The following ZNF25 variants were observed in gnomAD, a reference collection of about 807,000 sequenced individuals.
ZNF25 encodes the protein zinc finger protein 25 (KOX 19).
In ZNF25, 21 loss-of-function variants were observed where a neutral mutation model predicts 30.9. The observed-to-expected ratio is 0.68, with a 90% CI of 0.48 to 0.98. ZNF25 has a LOEUF of 0.98. ZNF25 is among the 50% of genes least tolerant of loss of function. The pLI is 0.00. For synonymous variants in ZNF25, 169 were observed against 181.3 expected, an observed-to-expected ratio of 0.93 and a Z score of 0.55; for missense variants, 501 against 529.9, an observed-to-expected ratio of 0.95 and a Z score of 0.54.
intron 4 of ZNF25, among the ~76,000 whole-genome samples, chr10:37,954,722 C>T (rs568225854): frequency 6.6e-6 from 1 of 152,148 alleles, no homozygotes. Context: ...ATTTATGCAT[C>T]TTTAAATGCA....
At position 37,951,279 on chromosome 10, in the gene ZNF25, G is replaced by A. The variant is rs41306330; in HGVS notation, c.*848C>T. The A allele has an allele frequency of 0.044, 6,751 of 152,416 alleles. 249 individuals are homozygous for A. The highest frequency in any genetic ancestry group is 0.06 in the Non-Finnish European group (4,090 of 67,998). 9.4% of individuals were successfully genotyped at this position (152,416 alleles called of 1,614,324 possible). ...ATACACATAATAGTTACTGAACTAAGATTATATTATTTCGCTATGTACCAT... is the reference window on the plus strand; with the variant it reads ...ATACACATAATAGTTACTGAACTAAAATTATATTATTTCGCTATGTACCAT... On this transcript the variant is annotated 3_prime_UTR_variant, in exon 6 of 6. Transcript: ENST00000302609.
At chr10:37,963,635 GATA>G (rs774442782) in intron 2 of ZNF25, among the ~76,000 whole-genome samples, 48 of 152,238 alleles carry the variant, frequency 3.2e-4, no homozygotes, top group Non-Finnish European at 6.2e-4. Flanking sequence ...CCATTCCCTT[GATA>G]ATGAGTGAGT....
chr10:37,953,581 T>G (rs1026876197), intron 5 of ZNF25, 114 bp downstream of exon 5: 1 of 937,736 alleles, frequency 1.1e-6, no homozygotes, highest in Non-Finnish European at 1.7e-6. Context: ...GGATTTGCTC[T>G]GCAGTGTTAG....
chr10:37,957,406 G>A lies in ZNF25; in HGVS notation c.142+14C>T, dbSNP rs1311142851. ...CAAACTACTGGGATTTACACCTGGG[G>A]AAGTTTTCCTCACCCACTGAGACAA... On this transcript the variant is annotated intron_variant, in intron 3 of 5. Coordinates refer to ENST00000302609, the MANE Select transcript of ZNF25 (RefSeq NM_145011.4). The A allele has an allele frequency of 6.2e-7, 1 of 1,609,280 alleles. No homozygotes were observed. The highest frequency in any genetic ancestry group is 2.2e-5 in the East Asian group (1 of 44,800).
Position 37,952,719 on chromosome 10 carries a change from C to A in ZNF25, c.779G>T (p.Cys260Phe), listed in dbSNP as rs761931543. Residue 260 changes from cysteine to phenylalanine, a missense_variant, in exon 6 of 6, where the codon TGT becomes TTT. Cys to Phe is a radical substitution (Grantham distance 205, BLOSUM62 -2). Transcript: ENST00000302609. Reference sequence around the variant, plus strand: ...GGAAAAGGCTTTCCCACACTCCTTACACTCATAGGGTTTCTCCCCTGTGTG... The same window carrying A: ...GGAAAAGGCTTTCCCACACTCCTTAAACTCATAGGGTTTCTCCCCTGTGTG... ...KTHTGEKPYE[C>F]KECGKAFSQK... The A allele has an allele frequency of 6.2e-7, 1 of 1,614,006 alleles. No individual in the cohort carries two copies. The highest frequency in any genetic ancestry group is 8.5e-7 in the Non-Finnish European group (1 of 1,179,954).
Position 37,971,605 on chromosome 10 carries a change from G to A in ZNF25, c.15+103C>T, listed in dbSNP as rs533795164. 3.2e-6 allele frequency: 5 copies of A among 1,551,352 alleles called. No homozygotes were observed. In the South Asian group the frequency reaches 3.4e-5, roughly 11 times the overall value. ...TTTCTACGTTTCTAATTTAGTATAT[G>A]GGCTCTCGTTCATAAAACTCATTAA... On this transcript the variant is annotated intron_variant, in intron 2 of 5. Transcript: ENST00000302609.
At chr10:37,958,406 A>G (rs2062659882) in intron 2 of ZNF25, among the ~76,000 whole-genome samples, 1 of 152,332 alleles carries the variant, frequency 6.6e-6, no homozygotes, top group Admixed American at 6.5e-5. Context: ...TATTGTGGGT[A>G]CATAATGGTA....
intron 2 of ZNF25, among the ~76,000 whole-genome samples, chr10:37,962,715 A>G: frequency 6.6e-6 from 1 of 152,206 alleles, no homozygotes. Context: ...TCAAAAATGA[A>G]AAGGGGAATA....
intron 1 of ZNF25, among the ~76,000 whole-genome samples, chr10:37,973,838 A>T: frequency 6.6e-6 from 1 of 152,190 alleles, no homozygotes; most frequent in East Asian, 1.9e-4. Context: ...TTTTGTGCAA[A>T]AAGAACAAAG....
intron 1 of ZNF25, 142 bp downstream of exon 1, chr10:37,976,364 G>C (rs994588313): frequency 3.9e-5 from 6 of 152,344 alleles, no homozygotes; most frequent in Admixed American, 2.6e-4. Context: ...GGGCAGGGGC[G>C]CCAGCGCAGC....
rs4007126 is a variant in ZNF25 at position 37,971,630 on chromosome 10, AACACACACACACAC to A, written c.15+64_15+77del. 1,114 of 1,389,672 alleles carry A rather than the reference AACACACACACACAC, an allele frequency of 8.0e-4. 3 individuals are homozygous for A. The highest frequency in any genetic ancestry group is 3.9e-3 in the South Asian group (308 of 78,954). 86.1% of individuals were successfully genotyped at this position (1,389,672 alleles called of 1,614,324 possible). ...GGGCTCTCGTTCATAAAACTCATTA[AACACACACACACAC>A]ACACACACACACACACACACACACA... On this transcript the variant is annotated intron_variant, in intron 2 of 5. Transcript: ENST00000302609.
rs911060513 is a variant in ZNF25, at chr10:37,976,486, C to A, written c.-86+20G>T. ...CCCCGCCTCCCAGGCCCTGCCCGCC[C>A]GCAAAAGCCTTCGACACACCTGCAG... On this transcript the variant is annotated intron_variant, in intron 1 of 5. Coordinates refer to ENST00000302609, the MANE Select transcript of ZNF25 (RefSeq NM_145011.4). 6.6e-6 allele frequency: 1 copy of A among 152,278 alleles called. No homozygotes were observed. The highest frequency in any genetic ancestry group is 2.4e-5 in the African/African-American group (1 of 41,466). 9.4% of individuals were successfully genotyped at this position (152,278 alleles called of 1,614,324 possible).
chr10:37,964,029 C>T (rs994322058), intron 2 of ZNF25, among the ~76,000 whole-genome samples: 1 of 152,084 alleles, frequency 6.6e-6, no homozygotes, highest in Non-Finnish European at 1.5e-5. Flanking sequence ...TTATCTCTCT[C>T]TCTTGCTCCC....
At chr10:37,953,384 A>G in intron 5 of ZNF25, 189 bp from the exon 6 acceptor site, 1 of 630,702 alleles carries the variant, frequency 1.6e-6, no homozygotes, top group Middle Eastern at 4.3e-4. Context: ...AACATTTGGT[A>G]AGGTGAATCT....
Position 37,952,320 on chromosome 10 carries a change from G to A in ZNF25, c.1178C>T (p.Thr393Ile). 1 of 1,613,858 alleles carries A rather than the reference G, an allele frequency of 6.2e-7. No homozygotes were observed. The highest frequency in any genetic ancestry group is 1.1e-5 in the South Asian group (1 of 91,060). ...CTTGCATGCATAGGGCTTCTCTCCTGTGTGAGTCCTTTGATGTAATCTGAG... is the reference window on the plus strand; with the variant it reads ...CTTGCATGCATAGGGCTTCTCTCCTATGTGAGTCCTTTGATGTAATCTGAG... ...SVLRLHQRTH[T>I]GEKPYACKEC... The change falls in exon 6 of 6, where the codon ACA (threonine) becomes ATA (isoleucine). Residue 393 changes from threonine to isoleucine, a missense_variant. Thr to Ile is a moderately conservative substitution (Grantham distance 89). Coordinates refer to ENST00000302609, the MANE Select transcript of ZNF25 (RefSeq NM_145011.4).
chr10:37,960,061 C>A (rs1006449524), intron 2 of ZNF25, among the ~76,000 whole-genome samples: 1 of 152,078 alleles, frequency 6.6e-6, no homozygotes, highest in East Asian at 1.9e-4. Context: ...ACTATAGATG[C>A]CCGCCACCAT....
At chr10:37,960,989 C>G (rs1461485009) in intron 2 of ZNF25, among the ~76,000 whole-genome samples, 1 of 152,078 alleles carries the variant, frequency 6.6e-6, no homozygotes, top group Non-Finnish European at 1.5e-5. Flanking sequence ...CTTCTATGCT[C>G]AGAGTCAAAG....
chr10:37,953,391 ATC>A, intron 5 of ZNF25, 196 bp from the exon 6 acceptor site: 1 of 624,226 alleles, frequency 1.6e-6, no homozygotes, highest in Non-Finnish European at 2.7e-6. Flanking sequence ...GGTAAGGTGA[ATC>A]TGCATTTGCA....
chr10:37,955,153 A>T (rs921618537), intron 4 of ZNF25, among the ~76,000 whole-genome samples: 2 of 111,316 alleles, frequency 1.8e-5, no homozygotes, highest in South Asian at 2.2e-4. Context: ...GACTCCATAT[A>T]AAAAAAAAAA....
Sources: gnomAD v4.1 joint callset for allele counts (sites outside exome capture counted in the v4.1 genomes callset) on GRCh38, gnomAD v4.1.1 for gene constraint, MANE v1.5 for transcripts, NCBI Gene and HGNC (gene_info 2026-07-23, HGNC 2026-07-21) for gene names.